SDK1: variants seen among roughly 807,000 people sequenced by gnomAD.
SDK1 encodes protein sidekick-1.
In SDK1, 157 loss-of-function variants were observed where a neutral mutation model predicts 245.5. The observed-to-expected ratio is 0.64, with a 90% CI of 0.56 to 0.73. The LOEUF is 0.73. SDK1 is among the 30% of genes least tolerant of loss of function. The probability of loss-of-function intolerance (pLI) is 0.00; values close to 1 mark genes in which losing one functional copy is unlikely to be tolerated. For synonymous variants in SDK1, 1,647 were observed against 1,278.5 expected (o/e 1.29, Z -6.15); for missense variants, 3,583 against 3,002.3 (o/e 1.19, Z -4.52).
At chr7:4,221,964 G>A (rs576301812) in intron 40 of SDK1, among the ~76,000 whole-genome samples, 2 of 152,264 alleles carry the variant, frequency 1.3e-5, no homozygotes, top group Admixed American at 1.3e-4. Flanking sequence ...GGATATGACT[G>A]CTTGGAGCTA....
intron 1 of SDK1, among the ~76,000 whole-genome samples, chr7:3,607,849 T>C (rs1042420177): frequency 6.6e-6 from 1 of 152,252 alleles, no homozygotes; most frequent in Non-Finnish European, 1.5e-5. Context: ...GGCGTAAGCA[T>C]TCTGCACACA....
intron 1 of SDK1, among the ~76,000 whole-genome samples, chr7:3,519,078 G>A (rs1782843871): frequency 6.6e-6 from 1 of 152,072 alleles, no homozygotes; most frequent in Non-Finnish European, 1.5e-5. Flanking sequence ...GTTCTCATAT[G>A]CAGAAGCTAA....
chr7:3,635,109 A>T (rs1185883617), intron 2 of SDK1, among the ~76,000 whole-genome samples: 1 of 152,222 alleles, frequency 6.6e-6, no homozygotes. Context: ...GTAATAATCA[A>T]AGCCGCACAT....
intron 1 of SDK1, among the ~76,000 whole-genome samples, chr7:3,462,849 A>G (rs1286626160): frequency 6.6e-6 from 1 of 152,190 alleles, no homozygotes; most frequent in Non-Finnish European, 1.5e-5. Flanking sequence ...TCTGGGACTC[A>G]TGACATCGTG....
chr7:4,161,801 C>T lies in SDK1; in HGVS notation c.4745C>T (p.Pro1582Leu), dbSNP rs760034231. The change falls in exon 32 of 45, where the codon CCG becomes CTG. Residue 1582 changes from proline to leucine, a missense_variant. Pro to Leu is a moderately conservative substitution (Grantham distance 98). Transcript: ENST00000404826. ...TTLQDVPGEP[P>L]GSVSATPHTT... ...TGTGTTTCAGTTCCAGGAGAGCCCC[C>T]GGGATCTGTCTCAGCGACGCCACAC... 5.6e-6 allele frequency: 9 copies of T among 1,613,872 alleles called. No homozygotes were observed. The highest frequency in any genetic ancestry group is 2.2e-5 in the South Asian group (2 of 91,082).
intron 36 of SDK1, 55 bp from the exon 37 acceptor site, chr7:4,208,044 C>T (rs986497685): frequency 1.4e-4 from 199 of 1,388,044 alleles, no homozygotes; most frequent in East Asian, 1.2e-3. Context: ...CAGTGGCCCC[C>T]GCTTACTGGA....
In SDK1 at chr7:4,267,188, C is replaced by T. The variant is rs570851947; in HGVS notation, c.*1804C>T. On this transcript the variant is annotated 3_prime_UTR_variant, in exon 45 of 45. Transcript: ENST00000404826. ...CCTTTTTTCTCTCCTCCCTTCCTTC[C>T]CCTCCTTCCTTTCCTTTACCCCTCC... is the stretch of plus-strand genomic sequence containing the variant. The T allele has an allele frequency of 4.7e-4, 452 of 967,414 alleles. 2 individuals carry two copies. Among genetic ancestry groups the T allele is most frequent in the Non-Finnish European group, 5.0e-4 (404 of 814,000 alleles). The allele number at this position is 967,414 out of a possible 1,614,324, so 59.9% of individuals were successfully genotyped here.
At chr7:4,014,954 T>C (rs919264715) in intron 16 of SDK1, among the ~76,000 whole-genome samples, 2 of 152,172 alleles carry the variant, frequency 1.3e-5, no homozygotes, top group South Asian at 2.1e-4. Context: ...CAGTTTGTTA[T>C]TCACAGTGCT....
intron 5 of SDK1, among the ~76,000 whole-genome samples, chr7:3,831,564 C>T (rs1007480898): frequency 6.6e-6 from 1 of 152,112 alleles, no homozygotes; most frequent in East Asian, 1.9e-4. Context: ...TGGTACCAAC[C>T]TCTTCAATCA....
intron 1 of SDK1, among the ~76,000 whole-genome samples, chr7:3,478,338 C>G (rs926708077): frequency 6.6e-6 from 1 of 151,656 alleles, no homozygotes; most frequent in Non-Finnish European, 1.5e-5. Flanking sequence ...TCACTCCATC[C>G]CTTTTAATGT....
At chr7:3,322,784 C>G (rs1426392580) in intron 1 of SDK1, among the ~76,000 whole-genome samples, 2 of 152,128 alleles carry the variant, frequency 1.3e-5, no homozygotes, top group Non-Finnish European at 2.9e-5. Flanking sequence ...CCCTTCTCTT[C>G]ACCTAATGTG....
intron 1 of SDK1, among the ~76,000 whole-genome samples, chr7:3,483,534 T>G (rs1781581914): frequency 6.6e-6 from 1 of 152,194 alleles, no homozygotes; most frequent in Non-Finnish European, 1.5e-5. Context: ...TGTGAATATT[T>G]CTGTCTCTAA....
intron 1 of SDK1, among the ~76,000 whole-genome samples, chr7:3,506,578 T>G (rs958329285): frequency 2.6e-5 from 4 of 152,248 alleles, no homozygotes; most frequent in African/African-American, 9.6e-5. Context: ...ATGCATATTA[T>G]ATTATCATAT....
intron 19 of SDK1, among the ~76,000 whole-genome samples, chr7:4,058,147 A>T (rs545222193): frequency 4.4e-4 from 67 of 152,302 alleles, no homozygotes; most frequent in African/African-American, 1.6e-3. Flanking sequence ...AAATAATACA[A>T]AATAATCCAA....
At chr7:3,616,005 T>G (rs536683321) in intron 1 of SDK1, among the ~76,000 whole-genome samples, 1 of 152,158 alleles carries the variant, frequency 6.6e-6, no homozygotes, top group South Asian at 2.1e-4. Flanking sequence ...CCACCTCAGC[T>G]TCCTTAGTAG....
At chr7:4,219,142 C>G (rs890151228) in intron 38 of SDK1, among the ~76,000 whole-genome samples, 3 of 152,186 alleles carry the variant, frequency 2.0e-5, no homozygotes, top group Non-Finnish European at 4.4e-5. Flanking sequence ...TCAATACTTG[C>G]AGTGAAATTA....
intron 1 of SDK1, among the ~76,000 whole-genome samples, chr7:3,417,316 C>A (rs1045197755): frequency 2.0e-5 from 3 of 152,210 alleles, no homozygotes; most frequent in African/African-American, 7.2e-5. Flanking sequence ...CCCCTGCCCA[C>A]CTCTCCAGCC....
intron 1 of SDK1, among the ~76,000 whole-genome samples, chr7:3,556,681 G>T (rs988293679): frequency 2.0e-5 from 3 of 152,072 alleles, no homozygotes; most frequent in Admixed American, 2.0e-4. Context: ...ATTAAGCCAG[G>T]TGTGGTGGTG....
chr7:4,051,777 C>T lies in SDK1; in HGVS notation c.2858C>T (p.Thr953Ile). The change falls in exon 19 of 45, where the codon ACC becomes ATC. Residue 953 changes from threonine (T) to isoleucine (I), a missense_variant. Thr to Ile is a moderately conservative substitution (Grantham distance 89). Transcript: ENST00000404826. Reference protein sequence around the residue: ...AYFTSVLCFTTPGDGPPSTPQ... With the variant: ...AYFTSVLCFTIPGDGPPSTPQ... ...TTCACTTCCGTTCTGTGCTTCACCA[C>T]CCCTGGGGACGGGCCTCCCAGCACA... 1 of 1,613,868 alleles carries T rather than the reference C, an allele frequency of 6.2e-7. No homozygotes were observed. The highest frequency in any genetic ancestry group is 2.2e-5 in the East Asian group (1 of 44,858).
Sources: gnomAD v4.1 joint callset for allele counts (sites outside exome capture counted in the v4.1 genomes callset) on GRCh38, gnomAD v4.1.1 for gene constraint, MANE v1.5 for transcripts, NCBI Gene and HGNC (gene_info 2026-07-23, HGNC 2026-07-21) for gene names.